Variants in SMARCA4 observed in about 807,000 individuals in gnomAD.
The protein encoded by SMARCA4 is SWI/SNF-related matrix-associated actin-dependent regulator of chromatin subfamily A member 4.
A neutral mutation model predicts 193.9 loss-of-function variants in SMARCA4; 31 were observed. The observed-to-expected ratio is 0.16, with a 90% CI of 0.12 to 0.22. The LOEUF is 0.22. SMARCA4 is among the 10% of genes least tolerant of loss of function. SMARCA4 has a pLI of 1.00. For synonymous variants in SMARCA4, 942 were observed against 933.1 expected (o/e 1.01, Z -0.17); for missense variants, 1,148 against 2,296.0 (o/e 0.50, Z 10.22).
chr19:10,986,494 C>T lies in SMARCA4; in HGVS notation c.661C>T (p.Pro221Ser), dbSNP rs1417452362. The T allele has an allele frequency of 2.6e-6, 4 of 1,548,922 alleles. No homozygotes were observed. The highest frequency in any genetic ancestry group is 2.4e-5 in the East Asian group (1 of 41,016). The change falls in exon 4 of 35, where the codon CCT (proline) becomes TCT (serine). Residue 221 changes from proline (P) to serine (S), a missense_variant. Pro to Ser is a moderately conservative substitution (Grantham distance 74). Around this residue, in one of 17 missense-constraint regions of SMARCA4, gnomAD observed 257 missense variants for 276.5 expected, o/e 0.93. Coordinates refer to ENST00000344626, the MANE Select transcript of SMARCA4 (RefSeq NM_003072.5). This position sits in a 1 kb window ranked among gnomAD's most constrained non-coding sequence, Gnocchi z 6.7. ...PGMQQQMPTL[P>S]PPSVSATGPG... ...GATGCAGCAGCAGATGCCAACGCTA[C>T]CTCCACCCTCGGTGTCCGCAACAGG...
In SMARCA4 at chr19:11,034,280, C is replaced by T. The variant is rs774567131; in HGVS notation, c.3951+80C>T. ...GGAGCAAAGCAGACGTCCTAGTGCC[C>T]ATGGTGGTATCCCTAGCAGGTCAGG... On this transcript the variant is annotated intron_variant, in intron 28 of 34. Transcript: ENST00000344626. The surrounding 1 kb of genome is among the most constrained non-coding windows in gnomAD (Gnocchi z 7.0). 9.0e-7 allele frequency: 1 copy of T among 1,116,112 alleles called. No homozygotes were observed. The allele number at this position is 1,116,112 out of a possible 1,614,324, so 69.1% of individuals were successfully genotyped here. A position where few individuals can be genotyped will look rare whatever the true frequency, so the allele number is the denominator to read the frequency against.
At chr19:11,048,538 G>A (rs997038095) in intron 30 of SMARCA4, among the ~76,000 whole-genome samples, 20 of 152,350 alleles carry the variant, frequency 1.3e-4, no homozygotes, top group Non-Finnish European at 2.2e-4. Flanking sequence ...AACACGGGAC[G>A]TTGTCCTCTG....
At chr19:11,045,854 C>T (rs759261900) in intron 30 of SMARCA4, among the ~76,000 whole-genome samples, 19 of 151,838 alleles carry the variant, frequency 1.3e-4, no homozygotes, top group Non-Finnish European at 2.4e-4. Flanking sequence ...GAGGCCGAGG[C>T]GGAGGATCAC....
chr19:11,024,079 G>A (rs2090071752), intron 20 of SMARCA4, among the ~76,000 whole-genome samples: 1 of 152,202 alleles, frequency 6.6e-6, no homozygotes, highest in Non-Finnish European at 1.5e-5. Flanking sequence ...GCTGGCTGTA[G>A]AGAGGCCCCC....
intron 9 of SMARCA4, chr19:10,995,333 C>T: frequency 1.9e-6 from 1 of 515,054 alleles, no homozygotes; most frequent in Non-Finnish European, 3.8e-6. Context: ...CATCTCTGAC[C>T]ATTTATTTGT....
intron 1 of SMARCA4, among the ~76,000 whole-genome samples, chr19:10,963,109 A>G (rs1348578763): frequency 6.6e-6 from 1 of 152,088 alleles, no homozygotes; most frequent in Non-Finnish European, 1.5e-5. Flanking sequence ...GCAGTGGCTC[A>G]TACCTGAAAT....
At chr19:11,028,679 G>A (rs1446730427) in intron 24 of SMARCA4, among the ~76,000 whole-genome samples, 1 of 152,214 alleles carries the variant, frequency 6.6e-6, no homozygotes, top group African/African-American at 2.4e-5. Flanking sequence ...GTGTTTCTGC[G>A]CCTGCCTGCC....
At chr19:10,975,645 C>T (rs1181880528) in intron 1 of SMARCA4, among the ~76,000 whole-genome samples, 4 of 151,490 alleles carry the variant, frequency 2.6e-5, no homozygotes, top group African/African-American at 7.3e-5. Flanking sequence ...ACTTCTGCAG[C>T]GTGGGTTGTG....
In SMARCA4 at chr19:11,034,107, G is replaced by T; in HGVS notation, c.3874-16G>T. 1 of 1,609,992 alleles carries T rather than the reference G, an allele frequency of 6.2e-7. No individual in the cohort carries two copies. The highest frequency in any genetic ancestry group is 1.1e-5 in the South Asian group (1 of 91,016). ...CGGCCCCTCCTCAGCGGCACTGACA[G>T]TTTGCAATCTTATAGGAGGAAGACG... On this transcript the variant is annotated splice_polypyrimidine_tract_variant and intron_variant, in intron 27 of 34. Transcript: ENST00000344626. The surrounding 1 kb of genome is among the most constrained non-coding windows in gnomAD (Gnocchi z 7.0).
At chr19:11,008,333 T>TGA (rs2088446392) in intron 14 of SMARCA4, 2 of 375,874 alleles carry the variant, frequency 5.3e-6, no homozygotes, top group Non-Finnish European at 1.0e-5. Context: ...GGGGAAACTT[T>TGA]CCAGCCTTGT....
At chr19:11,060,296 T>C in intron 34 of SMARCA4, 109 bp downstream of exon 34, 1 of 1,371,260 alleles carries the variant, frequency 7.3e-7, no homozygotes, top group South Asian at 1.3e-5. Flanking sequence ...ACGCTGCAGG[T>C]GGGAAAGCTG....
rs1361041186 is a variant in SMARCA4, at chr19:11,025,075, A to G, written c.3082-347A>G. Among the ~76,000 whole-genome samples the G allele has an allele frequency of 2.7e-5, 4 of 149,202 alleles. No homozygotes were observed. The East Asian group carries it at 8.0e-4, about 30-fold the overall frequency. ...GCTGAGGCCCTCTTGCCCAGCTGAGACCCTCTAGGGACCCCCACAGTAACA... is the reference window on the plus strand; with the variant it reads ...GCTGAGGCCCTCTTGCCCAGCTGAGGCCCTCTAGGGACCCCCACAGTAACA... On this transcript the variant is annotated intron_variant, in intron 21 of 34. Transcript: ENST00000344626.
At chr19:10,995,976 CTG>C in intron 9 of SMARCA4, 1 of 603,360 alleles carries the variant, frequency 1.7e-6, no homozygotes. Flanking sequence ...CTCATGGCCT[CTG>C]TAAATGGCTG....
chr19:10,986,523 CGGCCCTGGCCCTGGCCCT>C lies in SMARCA4; in HGVS notation c.696_713del (p.Gly239_Pro244del). 1 of 1,543,526 alleles carries C rather than the reference CGGCCCTGGCCCTGGCCCT, an allele frequency of 6.5e-7. No homozygotes were observed. Among genetic ancestry groups the C allele is most frequent in the Non-Finnish European group, 8.7e-7 (1 of 1,146,688 alleles). On this transcript the variant is annotated inframe_deletion, in exon 4 of 35. Coordinates refer to ENST00000344626, the MANE Select transcript of SMARCA4 (RefSeq NM_003072.5). This position sits in a 1 kb window ranked among gnomAD's most constrained non-coding sequence, Gnocchi z 6.7. ...CACCCTCGGTGTCCGCAACAGGACC[CGGCCCTGGCCCTGGCCCT>C]GGCCCCGGCCCGGGTCCCGGCCCGG...
Position 11,034,802 on chromosome 19 carries a change from C to G in SMARCA4, c.3952-112C>G. On this transcript the variant is annotated intron_variant, in intron 28 of 34. Transcript: ENST00000344626. The surrounding 1 kb of genome is among the most constrained non-coding windows in gnomAD (Gnocchi z 7.0). ...AGCTACTGTTTAACTCTCGCAGCAG[C>G]GTGGAGCCCCACGGGCAGAGAAAGG... 1 of 755,538 alleles carries G rather than the reference C, an allele frequency of 1.3e-6. No homozygotes were observed. The allele number at this position is 755,538 out of a possible 1,614,324, so 46.8% of individuals were successfully genotyped here. A position where few individuals can be genotyped will look rare whatever the true frequency, so the allele number is the denominator to read the frequency against.
chr19:11,025,385 C>T (rs2146494114), intron 21 of SMARCA4, 37 bp from the exon 22 acceptor site: 1 of 1,483,508 alleles, frequency 6.7e-7, no homozygotes, highest in Non-Finnish European at 9.4e-7. Context: ...CCCAGGAGGG[C>T]AAGACCCCAT....
At chr19:11,059,454 T>C (rs1016374801) in intron 32 of SMARCA4, among the ~76,000 whole-genome samples, 14 of 152,266 alleles carry the variant, frequency 9.2e-5, no homozygotes, top group Admixed American at 9.2e-4. Context: ...CCAATGTTAT[T>C]GCAGACCTCA....
intron 9 of SMARCA4, chr19:10,995,768 G>A (rs2086977686): frequency 5.5e-6 from 2 of 360,580 alleles, no homozygotes; most frequent in East Asian, 7.3e-5. Context: ...AGACCATTGG[G>A]AGGACTCTGG....
At chr19:10,995,144 C>G (rs1445428316) in intron 9 of SMARCA4, 143 bp downstream of exon 9, 2 of 772,648 alleles carry the variant, frequency 2.6e-6, no homozygotes, top group Admixed American at 4.0e-5. Context: ...CAGGCGCGGG[C>G]TTGGGAGTCA....
Sources: gnomAD v4.1 joint callset for allele counts (sites outside exome capture counted in the v4.1 genomes callset) on GRCh38, gnomAD v4.1.1 for gene constraint, gnomAD v4.1.1 regional missense constraint, Gnocchi (gnomAD v3.1) non-coding constraint, MANE v1.5 for transcripts, NCBI Gene and HGNC (gene_info 2026-07-23, HGNC 2026-07-21) for gene names.